PDZD2: variants seen among roughly 807,000 people sequenced by gnomAD.
PDZD2 encodes the protein PDZ domain containing 2.
PDZD2 carries 90 observed loss-of-function variants against 220.7 expected under a neutral mutation model. The ratio of observed to expected loss-of-function variants is 0.41; its 90% CI spans 0.34 to 0.49. PDZD2 has a LOEUF of 0.49. Among genes scored for constraint, PDZD2 ranks in the 20% least tolerant of loss-of-function variants. The pLI, the probability that PDZD2 is intolerant of heterozygous loss-of-function variation, is 0.28. For synonymous variants in PDZD2, 1,375 were observed against 1,450.5 expected, an observed-to-expected ratio of 0.95 and a Z score of 1.18; for missense variants, 3,174 against 3,608.5, an observed-to-expected ratio of 0.88 and a Z score of 3.08.
rs761406385 is a variant in PDZD2, at chr5:31,661,801, T to TTC, written c.-361+22365_-361+22366insCT. Among the ~76,000 whole-genome samples the TTC allele has an allele frequency of 3.1e-3, 452 of 148,176 alleles. 1 individual carries two copies. The highest frequency in any genetic ancestry group is 6.8e-3 in the Middle Eastern group (2 of 294). ...CCTCCCTTGGTTTTTTTTTTTTTTCTTTTTTTTTCATCAGAGATATTCAGG... is the reference window on the plus strand; with the variant it reads ...CCTCCCTTGGTTTTTTTTTTTTTTCTTCTTTTTTTTCATCAGAGATATTCAGG... On this transcript the variant is annotated intron_variant, in intron 1 of 24. Transcript: ENST00000438447.
intron 1 of PDZD2, among the ~76,000 whole-genome samples, chr5:31,680,552 A>T (rs1011684945): frequency 6.6e-6 from 1 of 151,624 alleles, no homozygotes; most frequent in Non-Finnish European, 1.5e-5. Context: ...TGCCAGCCTC[A>T]GGAAGCTAAG....
chr5:32,015,060 G>C (rs1753682088), intron 6 of PDZD2, among the ~76,000 whole-genome samples: 1 of 150,748 alleles, frequency 6.6e-6, no homozygotes, highest in Admixed American at 6.7e-5. Context: ...TCCTGCCTCA[G>C]CCTCCTGAGT....
intron 1 of PDZD2, among the ~76,000 whole-genome samples, chr5:31,716,528 C>A (rs548479126): frequency 6.6e-6 from 1 of 152,140 alleles, no homozygotes; most frequent in African/African-American, 2.4e-5. Context: ...GTAGGCCAGG[C>A]GCGGTGGTTC....
chr5:31,833,220 G>A (rs1580849476), intron 2 of PDZD2, among the ~76,000 whole-genome samples: 1 of 152,160 alleles, frequency 6.6e-6, no homozygotes, highest in South Asian at 2.1e-4. Context: ...TGTAATCCCG[G>A]TGCTTTGGGA....
rs545427377 is a variant in PDZD2, at chr5:32,026,934, G to A, written c.1408-10297G>A. Among the ~76,000 whole-genome samples the A allele has an allele frequency of 7.2e-5, 11 of 152,120 alleles. No individual in the cohort carries two copies. In the East Asian group the frequency reaches 1.7e-3, roughly 24 times the overall value. On this transcript the variant is annotated intron_variant, in intron 6 of 24. Coordinates refer to ENST00000438447, the MANE Select transcript of PDZD2 (RefSeq NM_178140.4). ...TGTTTTTGTTTTGAGACAGAGTCTC[G>A]CTCTGTCGCCCAGGCTGGAGTGCAG...
chr5:32,081,531 T>C (rs991270338), intron 19 of PDZD2, among the ~76,000 whole-genome samples: 2 of 152,204 alleles, frequency 1.3e-5, no homozygotes, highest in Non-Finnish European at 2.9e-5. Context: ...GATTACCGGA[T>C]CTCTAAAAGA....
At chr5:32,073,806 G>T (rs769662471) in intron 17 of PDZD2, 26 bp from the exon 18 acceptor site, 2 of 1,531,476 alleles carry the variant, frequency 1.3e-6, no homozygotes, top group South Asian at 1.2e-5. Flanking sequence ...AATTTCACTT[G>T]ACTTTTCTGT....
At chr5:31,725,289 G>T (rs1206116224) in intron 1 of PDZD2, among the ~76,000 whole-genome samples, 1 of 135,720 alleles carries the variant, frequency 7.4e-6, no homozygotes, top group Non-Finnish European at 1.5e-5. Context: ...GGTGAGCCAA[G>T]ATCATGCCAT....
At chr5:31,873,993 G>A (rs546270341) in intron 2 of PDZD2, among the ~76,000 whole-genome samples, 5 of 152,292 alleles carry the variant, frequency 3.3e-5, no homozygotes, top group African/African-American at 1.2e-4. Flanking sequence ...CTTCCAAAGT[G>A]CTGGGATTAC....
chr5:31,797,130 A>G (rs2150227123), intron 1 of PDZD2, among the ~76,000 whole-genome samples: 1 of 108,118 alleles, frequency 9.2e-6, no homozygotes, highest in East Asian at 2.8e-4. Context: ...TTTTTAGTAG[A>G]GACGGGCTTT....
At chr5:31,816,482 G>A (rs939333142) in intron 2 of PDZD2, among the ~76,000 whole-genome samples, 1 of 151,892 alleles carries the variant, frequency 6.6e-6, no homozygotes, top group Non-Finnish European at 1.5e-5. Context: ...ACTACTTTTC[G>A]AAAGAAAGTC....
At chr5:31,880,976 A>G (rs1349139550) in intron 2 of PDZD2, among the ~76,000 whole-genome samples, 3 of 150,754 alleles carry the variant, frequency 2.0e-5, no homozygotes, top group Non-Finnish European at 4.4e-5. Flanking sequence ...TAATTTCTGT[A>G]TTTTTAGTAG....
chr5:32,027,134 C>T (rs1754731203), intron 6 of PDZD2, among the ~76,000 whole-genome samples: 1 of 152,122 alleles, frequency 6.6e-6, no homozygotes, highest in Non-Finnish European at 1.5e-5. Context: ...GAACTCCTGA[C>T]CTCAGGTGCT....
At chr5:31,721,383 G>A (rs1415791226) in intron 1 of PDZD2, among the ~76,000 whole-genome samples, 1 of 152,100 alleles carries the variant, frequency 6.6e-6, no homozygotes, top group Non-Finnish European at 1.5e-5. Flanking sequence ...AGTTGGCTTT[G>A]CTTGTGTCCT....
At chr5:31,928,538 C>T (rs1357599541) in intron 2 of PDZD2, among the ~76,000 whole-genome samples, 1 of 151,862 alleles carries the variant, frequency 6.6e-6, no homozygotes, top group Non-Finnish European at 1.5e-5. Context: ...TGCAATGGCT[C>T]GATCTTGGCT....
intron 14 of PDZD2, 61 bp downstream of exon 14, chr5:32,061,195 T>C: frequency 6.5e-7 from 1 of 1,549,576 alleles, no homozygotes; most frequent in Non-Finnish European, 8.9e-7. Flanking sequence ...GGATATCGTA[T>C]ACTCTTTGGT....
chr5:31,740,450 G>A (rs980366776), intron 1 of PDZD2, among the ~76,000 whole-genome samples: 15 of 147,468 alleles, frequency 1.0e-4, no homozygotes, highest in South Asian at 4.4e-4. Context: ...GCGTGAACCC[G>A]GGAGGCGGAG....
chr5:31,779,240 C>T (rs1264000125), intron 1 of PDZD2, among the ~76,000 whole-genome samples: 2 of 152,140 alleles, frequency 1.3e-5, no homozygotes, highest in Non-Finnish European at 2.9e-5. Context: ...AACATACCAC[C>T]TGCATGTTTA....
chr5:31,863,880 TAAAA>T (rs1161962834), intron 2 of PDZD2, among the ~76,000 whole-genome samples: 1 of 152,138 alleles, frequency 6.6e-6, no homozygotes, highest in African/African-American at 2.4e-5. Flanking sequence ...AATAATTTTT[TAAAA>T]AAAGTCATAA....
Sources: allele counts gnomAD v4.1 joint callset (sites outside exome capture counted in the v4.1 genomes callset), GRCh38; gene constraint gnomAD v4.1.1; transcripts MANE v1.5; gene names NCBI Gene and HGNC (gene_info 2026-07-23, HGNC 2026-07-21).